SPATA13: variants seen among roughly 807,000 people sequenced by gnomAD.
SPATA13 encodes spermatogenesis associated 13, also known as spermatogenesis-associated protein 13.
Under a neutral mutation model 104.0 loss-of-function variants are expected in SPATA13, and 50 were observed. The observed-to-expected ratio is 0.48, with a 90% CI of 0.38 to 0.61. SPATA13 has a LOEUF of 0.61. Ranked by LOEUF, SPATA13 falls within the 20% of genes least tolerant of loss-of-function variation. The probability of loss-of-function intolerance (pLI) is 0.00; values close to 1 mark genes in which losing one functional copy is unlikely to be tolerated. For synonymous variants in SPATA13, 606 were observed against 667.5 expected (o/e 0.91, Z 1.42); for missense variants, 1,524 against 1,690.6 (o/e 0.90, Z 1.73).
chr13:24,157,041 T>G (rs1282909203), upstream of SPATA13, among the ~76,000 whole-genome samples: 5 of 152,192 alleles, frequency 3.3e-5, no homozygotes, highest in Non-Finnish European at 7.3e-5. Context: ...GCTAATGATC[T>G]CTGAGTGACC....
intron 3 of SPATA13, among the ~76,000 whole-genome samples, chr13:24,133,193 A>G (rs772738050): frequency 2.6e-5 from 4 of 151,054 alleles, no homozygotes; most frequent in East Asian, 2.2e-4. Flanking sequence ...TACAGACCAG[A>G]TGATAGCACA....
chr13:24,094,748 G>A (rs7327407), intron 3 of SPATA13, among the ~76,000 whole-genome samples: 139,511 of 152,208 alleles, frequency 0.92, 64,403 homozygotes, highest in Middle Eastern at 0.98. Flanking sequence ...TCCAGCCTGG[G>A]CAATATAGCA....
intron 2 of SPATA13, among the ~76,000 whole-genome samples, chr13:24,015,486 G>A (rs1223205748): frequency 6.6e-6 from 1 of 152,150 alleles, no homozygotes; most frequent in Non-Finnish European, 1.5e-5. Flanking sequence ...TTCTCCTGTG[G>A]CATCCCCTCT....
intron 1 of SPATA13, among the ~76,000 whole-genome samples, chr13:24,212,114 T>C (rs9578692): frequency 0.1 from 15,721 of 152,008 alleles, 2,131 homozygotes; most frequent in African/African-American, 0.31. Flanking sequence ...AGTTCTTTCT[T>C]GTTCAGAGAT....
intron 12 of SPATA13, 108 bp from the exon 13 acceptor site, chr13:24,302,485 AAAAAG>A: frequency 1.3e-5 from 6 of 465,870 alleles, no homozygotes; most frequent in East Asian, 4.5e-5. Context: ...AAAAAAAAAA[AAAAAG>A]AATTAGCTGA....
chr13:24,295,670 ACTCT>A (rs10523910), intron 10 of SPATA13, among the ~76,000 whole-genome samples: 100,304 of 147,752 alleles, frequency 0.68, 34,125 homozygotes, highest in South Asian at 0.89. Context: ...ACAAATTCTC[ACTCT>A]CTCTCTCTCT....
chr13:24,291,756 ATT>A (rs71070676), intron 9 of SPATA13, among the ~76,000 whole-genome samples: 7 of 136,464 alleles, frequency 5.1e-5, no homozygotes, highest in African/African-American at 1.6e-4. Flanking sequence ...TTATTTTTTT[ATT>A]TTTTTTTTTG....
chr13:24,209,501 T>C (rs1870895523), intron 1 of SPATA13, among the ~76,000 whole-genome samples: 1 of 152,202 alleles, frequency 6.6e-6, no homozygotes, highest in Non-Finnish European at 1.5e-5. Flanking sequence ...TTCTGCGTGT[T>C]AAGTGAGATC....
Position 24,286,935 on chromosome 13 carries a change from C to T in SPATA13, c.2652C>T (p.Leu884=), listed in dbSNP as rs1300771396. ...CCGAGCGGGTGTACATCAAACACCTCAGGGACATCTGTGAGGTGGGACGCC... is the reference window on the plus strand; with the variant it reads ...CCGAGCGGGTGTACATCAAACACCTTAGGGACATCTGTGAGGTGGGACGCC... ...MDTERVYIKH[L]RDICEGYIRQ... Residue 884 remains leucine (L), a synonymous_variant, in exon 7 of 13, where the codon CTC becomes CTT. Coordinates refer to ENST00000382108, the MANE Select transcript of SPATA13 (RefSeq NM_001166271.3). The surrounding 1 kb of genome is among the most constrained non-coding windows in gnomAD (Gnocchi z 4.9). 3 of 1,613,602 alleles carry T rather than the reference C, an allele frequency of 1.9e-6. No homozygotes were observed. Among genetic ancestry groups the T allele is most frequent in the Non-Finnish European group, 2.5e-6 (3 of 1,179,842 alleles).
rs1882499168 is a variant in SPATA13, at chr13:24,161,629, T to C, written c.-112+697T>C. ...CAGGGGGAGCTCGGGTGACTTGGGC[T>C]GGGCCACCCATCTGACTGCAAGGTT... On this transcript the variant is annotated intron_variant, in intron 1 of 12. Coordinates refer to ENST00000382108, the MANE Select transcript of SPATA13 (RefSeq NM_001166271.3). This position sits in a 1 kb window ranked among gnomAD's most constrained non-coding sequence, Gnocchi z 4.5. Among the ~76,000 whole-genome samples, 1 of 152,180 alleles carries C rather than the reference T, an allele frequency of 6.6e-6. No homozygotes were observed. The highest frequency in any genetic ancestry group is 1.5e-5 in the Non-Finnish European group (1 of 68,038).
At chr13:24,128,659 A>G (rs9553193) in intron 3 of SPATA13, among the ~76,000 whole-genome samples, 102,625 of 151,390 alleles carry the variant, frequency 0.68, 35,469 homozygotes, top group East Asian at 0.93. Flanking sequence ...TGTTGTGGAA[A>G]CAGGACTCCC....
At chr13:24,201,947 A>C (rs765509337) in intron 1 of SPATA13, among the ~76,000 whole-genome samples, 8 of 152,078 alleles carry the variant, frequency 5.3e-5, no homozygotes, top group Admixed American at 2.6e-4. Flanking sequence ...AGTTGGAATC[A>C]TGTAGTATGC....
At chr13:24,069,809 T>C (rs951666162) in intron 3 of SPATA13, among the ~76,000 whole-genome samples, 3 of 152,208 alleles carry the variant, frequency 2.0e-5, no homozygotes, top group African/African-American at 7.2e-5. Flanking sequence ...CTATCATTTG[T>C]ACATAATCTA....
chr13:24,023,500 A>G (rs1274144143), intron 3 of SPATA13, among the ~76,000 whole-genome samples: 1 of 152,204 alleles, frequency 6.6e-6, no homozygotes, highest in East Asian at 1.9e-4. Flanking sequence ...TCCATGTCCT[A>G]TTCCCTGGCA....
intron 1 of SPATA13, among the ~76,000 whole-genome samples, chr13:24,217,471 C>G (rs1388427449): frequency 6.6e-6 from 1 of 152,182 alleles, no homozygotes; most frequent in African/African-American, 2.4e-5. Context: ...GCCAGTCATT[C>G]AACAGACACA....
rs1026195175 is a variant in SPATA13, at chr13:24,051,718, G to A, written c.-112+34017G>A. 2.0e-5 allele frequency among the ~76,000 whole-genome samples: 3 copies of A among 151,660 alleles called. No homozygotes were observed. Among genetic ancestry groups the A allele is most frequent in the African/African-American group, 7.3e-5 (3 of 41,128 alleles). ...AGATGATATGAGGCGAATCTTCAGA[G>A]GTGGGAGCTTTAGGGGGGAAGTGGT... On this transcript the variant is annotated intron_variant, in intron 3 of 14. Coordinates refer to the SPATA13 transcript ENST00000424834. This position sits in a 1 kb window ranked among gnomAD's most constrained non-coding sequence, Gnocchi z 4.2.
chr13:24,136,577 GA>G (rs921878627), intron 3 of SPATA13, among the ~76,000 whole-genome samples: 6 of 152,160 alleles, frequency 3.9e-5, no homozygotes, highest in African/African-American at 1.4e-4. Context: ...GAAATGCTCA[GA>G]AAAAACTGTC....
intron 2 of SPATA13, among the ~76,000 whole-genome samples, chr13:23,999,565 A>C (rs1211878117): frequency 6.6e-6 from 1 of 151,588 alleles, no homozygotes; most frequent in East Asian, 1.9e-4. Flanking sequence ...GGGACTCCCA[A>C]CTCCATCTGG....
At chr13:24,150,927 G>T (rs1882082449) in intron 3 of SPATA13, among the ~76,000 whole-genome samples, 1 of 152,154 alleles carries the variant, frequency 6.6e-6, no homozygotes, top group Non-Finnish European at 1.5e-5. Context: ...TCTAGATGCT[G>T]TTTGACTGGG....
Sources: gnomAD v4.1 joint callset for allele counts (sites outside exome capture counted in the v4.1 genomes callset) on GRCh38, gnomAD v4.1.1 for gene constraint, Gnocchi (gnomAD v3.1) non-coding constraint, MANE v1.5 for transcripts, NCBI Gene and HGNC (gene_info 2026-07-23, HGNC 2026-07-21) for gene names.